Variants in FAM81A observed in about 807,000 individuals in gnomAD.
FAM81A encodes family with sequence similarity 81 member A, also known as protein FAM81A.
A neutral mutation model predicts 46.7 loss-of-function variants in FAM81A; 19 were observed. The observed-to-expected ratio is 0.41, with a 90% CI of 0.28 to 0.60. FAM81A has a LOEUF of 0.60. FAM81A is among the 20% of genes least tolerant of loss of function. The pLI, the probability that FAM81A is intolerant of heterozygous loss-of-function variation, is 0.34. For missense variants in FAM81A, 377 were observed against 453.5 expected (o/e 0.83, Z 1.53); for synonymous variants, 183 against 152.9 (o/e 1.20, Z -1.45).
In FAM81A at chr15:59,460,062, C is replaced by T. The variant is rs370782485; in HGVS notation, c.150C>T (p.His50=). 11 of 1,613,776 alleles carry T rather than the reference C, an allele frequency of 6.8e-6. No individual in the cohort carries two copies. The highest frequency in any genetic ancestry group is 5.3e-5 in the African/African-American group (4 of 74,890). ...HEKTTAALVE[H]AFRIKDDIVN... ...AAACCACCGCCGCCCTCGTAGAGCA[C>T]GCCTTTCGGATTAAAGATGACATTG... The change falls in exon 3 of 9, where the codon CAC becomes CAT. Residue 50 remains histidine, a synonymous_variant. Coordinates refer to ENST00000288228, the MANE Select transcript of FAM81A (RefSeq NM_152450.3). This position sits in a 1 kb window ranked among gnomAD's most constrained non-coding sequence, Gnocchi z 4.4.
intron 1 of FAM81A, among the ~76,000 whole-genome samples, chr15:59,440,379 C>T (rs1443253444): frequency 6.6e-6 from 1 of 152,076 alleles, no homozygotes; most frequent in Non-Finnish European, 1.5e-5. Flanking sequence ...ACTCTCTGGG[C>T]AATTCTGATG....
At chr15:59,478,190 G>A (rs1345365616) in intron 3 of FAM81A, among the ~76,000 whole-genome samples, 1 of 152,120 alleles carries the variant, frequency 6.6e-6, no homozygotes, top group African/African-American at 2.4e-5. Flanking sequence ...GAACCATGCA[G>A]TGGGGTCTGC....
rs7171450 is a variant in FAM81A at position 59,398,247 on chromosome 15, C to G, written c.-160-4029C>G. On this transcript the variant is annotated intron_variant, in intron 1 of 4. Transcript: ENST00000558348. Reference sequence around the variant, plus strand: ...AGAGTGTCAACTCTGGCAGGACAGACTTTTTTTCACTCAGGTAAGTAATTG... The same window carrying G: ...AGAGTGTCAACTCTGGCAGGACAGAGTTTTTTTCACTCAGGTAAGTAATTG... Among the ~76,000 whole-genome samples the G allele has an allele frequency of 7.9e-3, 1,201 of 152,256 alleles. 16 individuals carry two copies. The highest frequency in any genetic ancestry group is 0.028 in the African/African-American group (1,159 of 41,552).
At chr15:59,516,521 G>A (rs1320019713) in intron 7 of FAM81A, 124 bp from the exon 8 acceptor site, 5 of 906,640 alleles carry the variant, frequency 5.5e-6, no homozygotes, top group Non-Finnish European at 6.7e-6. Flanking sequence ...ATTATGGTGG[G>A]CAACAAGCAG....
At chr15:59,436,906 C>T (rs1448042870), upstream of FAM81A, among the ~76,000 whole-genome samples, 1 of 152,208 alleles carries the variant, frequency 6.6e-6, no homozygotes, top group Non-Finnish European at 1.5e-5. Flanking sequence ...GCTCGTCAGG[C>T]TCTAAGCTCT....
chr15:59,414,609 G>A (rs1020089297), intron 2 of FAM81A, among the ~76,000 whole-genome samples: 2 of 152,124 alleles, frequency 1.3e-5, no homozygotes, highest in Non-Finnish European at 2.9e-5. Context: ...ATCTTCCCTA[G>A]CTGATGAAAC....
chr15:59,434,788 T>G (rs912144082), upstream of FAM81A, among the ~76,000 whole-genome samples: 2 of 152,222 alleles, frequency 1.3e-5, no homozygotes. Context: ...GCTAACTCTT[T>G]ATCCATCTGA....
At chr15:59,507,484 A>G in intron 5 of FAM81A, 142 bp downstream of exon 5, 1 of 1,224,262 alleles carries the variant, frequency 8.2e-7, no homozygotes, top group Non-Finnish European at 1.1e-6. Context: ...CTTTTCTTTG[A>G]TTCTTCCTTT....
chr15:59,473,410 A>G (rs538971134), intron 3 of FAM81A, among the ~76,000 whole-genome samples: 2 of 152,356 alleles, frequency 1.3e-5, no homozygotes, highest in African/African-American at 4.8e-5. Context: ...ATCAGATCAA[A>G]AAAACATAGT....
chr15:59,471,486 A>G (rs1159647518), intron 3 of FAM81A, among the ~76,000 whole-genome samples: 1 of 151,356 alleles, frequency 6.6e-6, no homozygotes, highest in Non-Finnish European at 1.5e-5. Context: ...TTTTCTGGAG[A>G]GACAAAACCT....
At chr15:59,505,002 T>C (rs1338364929) in intron 4 of FAM81A, among the ~76,000 whole-genome samples, 1 of 152,226 alleles carries the variant, frequency 6.6e-6, no homozygotes, top group Non-Finnish European at 1.5e-5. Context: ...TTTAGAAAAT[T>C]GTTGGCATTC....
At chr15:59,430,254 C>CTTTTTTTT (rs5812977) in intron 2 of FAM81A, among the ~76,000 whole-genome samples, 3 of 87,458 alleles carry the variant, frequency 3.4e-5, no homozygotes, top group African/African-American at 9.5e-5. Flanking sequence ...ACCTATTTCC[C>CTTTTTTTT]TTTTTTTTTT....
At chr15:59,476,409 CACAA>C (rs2081768817) in intron 3 of FAM81A, among the ~76,000 whole-genome samples, 2 of 152,118 alleles carry the variant, frequency 1.3e-5, no homozygotes, top group Admixed American at 6.5e-5. Context: ...TTTTGGAGGA[CACAA>C]ACATTCAGTC....
intron 6 of FAM81A, among the ~76,000 whole-genome samples, chr15:59,509,211 G>A (rs1025933403): frequency 6.6e-6 from 1 of 152,130 alleles, no homozygotes; most frequent in Non-Finnish European, 1.5e-5. Flanking sequence ...TTGGCCTAGG[G>A]GCTGAGGATC....
intron 4 of FAM81A, among the ~76,000 whole-genome samples, chr15:59,498,490 A>G (rs1256637087): frequency 6.6e-6 from 1 of 152,206 alleles, no homozygotes; most frequent in Non-Finnish European, 1.5e-5. Flanking sequence ...TTTACTTTTT[A>G]CTTTCCAATC....
At chr15:59,471,255 C>T (rs11071450) in intron 3 of FAM81A, among the ~76,000 whole-genome samples, 88,456 of 152,016 alleles carry the variant, frequency 0.58, 26,469 homozygotes, top group Admixed American at 0.68. Context: ...TCTGTTTCTT[C>T]TTCCAGTTTT....
At chr15:59,482,047 C>G (rs947275725) in intron 3 of FAM81A, among the ~76,000 whole-genome samples, 3 of 152,034 alleles carry the variant, frequency 2.0e-5, no homozygotes, top group African/African-American at 7.2e-5. Context: ...CATGCGCAGC[C>G]TCTCCCACTA....
At chr15:59,409,585 C>T (rs770914534) in intron 2 of FAM81A, among the ~76,000 whole-genome samples, 3 of 152,068 alleles carry the variant, frequency 2.0e-5, no homozygotes, top group Non-Finnish European at 2.9e-5. Flanking sequence ...GATCACTCAC[C>T]GGGACTGTCT....
At chr15:59,471,972 G>C (rs905642222) in intron 3 of FAM81A, among the ~76,000 whole-genome samples, 1 of 152,062 alleles carries the variant, frequency 6.6e-6, no homozygotes, top group African/African-American at 2.4e-5. Context: ...CAGTGCAATG[G>C]GTCTGTGTTG....
Sources: allele counts gnomAD v4.1 joint callset (sites outside exome capture counted in the v4.1 genomes callset), GRCh38; gene constraint gnomAD v4.1.1; non-coding constraint Gnocchi (gnomAD v3.1); transcripts MANE v1.5; gene names NCBI Gene and HGNC (gene_info 2026-07-23, HGNC 2026-07-21).